The following RTF2 variants were observed in gnomAD, a reference collection of about 807,000 sequenced individuals.
RTF2 encodes the protein UPF0549 protein C20orf43.
RTF2 carries 18 observed loss-of-function variants against 38.0 expected under a neutral mutation model. That is an observed-to-expected ratio of 0.47 (90% CI 0.33 to 0.70). RTF2 has a LOEUF of 0.70. RTF2 is among the 30% of genes least tolerant of loss of function. The probability of loss-of-function intolerance (pLI) is 0.02; values close to 1 mark genes in which losing one functional copy is unlikely to be tolerated. For synonymous variants in RTF2, 126 were observed against 137.1 expected (o/e 0.92, Z 0.57); for missense variants, 311 against 379.6 (o/e 0.82, Z 1.50).
chr20:56,478,569 A>C (rs748137057), intron 4 of RTF2, among the ~76,000 whole-genome samples: 1 of 152,214 alleles, frequency 6.6e-6, no homozygotes, highest in Non-Finnish European at 1.5e-5. Context: ...CAAAGTACCT[A>C]TCTTAATTAA....
rs1465237386 is a variant in RTF2 at position 56,519,192 on chromosome 20, AC to A, written c.*931del. On this transcript the variant is annotated 3_prime_UTR_variant, in exon 9 of 9. Coordinates refer to ENST00000357348, the MANE Select transcript of RTF2 (RefSeq NM_016407.5). ...AGATAGTGACTGGTTCTCTATACAG[AC>A]CCCGGGGCCCTGGGTTTCCTTCAGA... 6.6e-5 allele frequency: 10 copies of A among 152,176 alleles called. No homozygotes were observed. Among genetic ancestry groups the A allele is most frequent in the Admixed American group, 2.6e-4 (4 of 15,264 alleles). 9.4% of individuals were successfully genotyped at this position (152,176 alleles called of 1,614,324 possible). A position where few individuals can be genotyped will look rare whatever the true frequency, so the allele number is the denominator to read the frequency against.
At chr20:56,515,108 A>T (rs1738886940) in intron 6 of RTF2, among the ~76,000 whole-genome samples, 1 of 151,960 alleles carries the variant, frequency 6.6e-6, no homozygotes, top group South Asian at 2.1e-4. Flanking sequence ...TGTGTATCTT[A>T]TATAAAGTGT....
At chr20:56,477,301 G>A (rs1326235940) in intron 4 of RTF2, among the ~76,000 whole-genome samples, 177 bp downstream of exon 4, 1 of 152,162 alleles carries the variant, frequency 6.6e-6, no homozygotes, top group Non-Finnish European at 1.5e-5. Context: ...GTCAGCCATT[G>A]CTACGGGACT....
At chr20:56,492,380 G>A (rs1489853156) in intron 5 of RTF2, among the ~76,000 whole-genome samples, 2 of 149,028 alleles carry the variant, frequency 1.3e-5, no homozygotes, top group East Asian at 4.2e-4. Flanking sequence ...GCCTGGCACT[G>A]CTTTTTATTT....
intron 4 of RTF2, among the ~76,000 whole-genome samples, chr20:56,483,140 A>G (rs1473399427): frequency 6.6e-6 from 1 of 151,834 alleles, no homozygotes; most frequent in Non-Finnish European, 1.5e-5. Context: ...TTTCCTTTTT[A>G]CCTTGCTATA....
intron 5 of RTF2, among the ~76,000 whole-genome samples, chr20:56,501,077 T>A (rs1983899907): frequency 6.6e-6 from 1 of 152,232 alleles, no homozygotes; most frequent in South Asian, 2.1e-4. Context: ...ACAAGCTTTT[T>A]AAGGCAGTCA....
At chr20:56,510,225 T>C (rs2146370255) in intron 5 of RTF2, among the ~76,000 whole-genome samples, 1 of 152,366 alleles carries the variant, frequency 6.6e-6, no homozygotes, top group South Asian at 2.1e-4. Context: ...TACTTCATTA[T>C]GTTATGTAAA....
At chr20:56,474,265 G>A (rs1982123053) in intron 2 of RTF2, among the ~76,000 whole-genome samples, 2 of 152,122 alleles carry the variant, frequency 1.3e-5, no homozygotes, top group South Asian at 2.1e-4. Flanking sequence ...TGGATCACCT[G>A]AGGTCAGGAG....
chr20:56,515,786 G>C (rs971304056), intron 6 of RTF2: 2 of 152,140 alleles, frequency 1.3e-5, no homozygotes, highest in African/African-American at 4.8e-5. Context: ...CAGGTTTCCT[G>C]CCAAGTTAAT....
rs563600541 is a variant in RTF2 at position 56,513,415 on chromosome 20, C to G, written c.578C>G (p.Ala193Gly). Residue 193 changes from alanine (A) to glycine (G), a missense_variant, in exon 6 of 9, where the codon GCG (alanine) becomes GGG (glycine). Transcript: ENST00000357348. ...AGGATGGAGGAGAGAAGGCTGAGAG[C>G]GAAGCTGGAAAAGGTAATGGGAGTC... is the stretch of plus-strand genomic sequence containing the variant. ...KTRMEERRLR[A>G]KLEKKTKKPK... The G allele has an allele frequency of 3.8e-6, 6 of 1,597,604 alleles. No individual in the cohort carries two copies. The African/African-American group carries it at 5.3e-5, about 14-fold the overall frequency.
chr20:56,492,773 C>T (rs763042179), intron 5 of RTF2, among the ~76,000 whole-genome samples: 14 of 151,978 alleles, frequency 9.2e-5, no homozygotes, highest in Non-Finnish European at 1.9e-4. Context: ...GAGGCCTCAG[C>T]GTATGTGTGA....
intron 5 of RTF2, among the ~76,000 whole-genome samples, chr20:56,502,624 G>C (rs1013189412): frequency 5.9e-5 from 9 of 152,140 alleles, no homozygotes; most frequent in African/African-American, 1.9e-4. Context: ...TGAGTAAATA[G>C]ATAATGGATG....
intron 5 of RTF2, among the ~76,000 whole-genome samples, chr20:56,499,486 T>TA (rs1445593951): frequency 6.6e-6 from 1 of 152,122 alleles, no homozygotes; most frequent in African/African-American, 2.4e-5. Flanking sequence ...TGGCAATACT[T>TA]ATGTTTATAA....
At position 56,496,762 on chromosome 20, in the gene RTF2, C is replaced by CT. The variant is rs769784953; in HGVS notation, c.477+12573_477+12574insT. ...AACTCTACAAACTTCCTTGTAAGTA[C>CT]ATAGTAAGCACTTCCAAAATAAATG... On this transcript the variant is annotated intron_variant, in intron 5 of 8. Coordinates refer to ENST00000357348, the MANE Select transcript of RTF2 (RefSeq NM_016407.5). 150 of 1,552,168 alleles carry CT rather than the reference C, an allele frequency of 9.7e-5. No homozygotes were observed. In the African/African-American group the frequency reaches 1.4e-3, roughly 14 times the overall value.
rs766585377 is a variant in RTF2 at position 56,517,143 on chromosome 20, T to C, written c.684T>C (p.Pro228=). 3.7e-6 allele frequency: 6 copies of C among 1,614,074 alleles called. No homozygotes were observed. Among genetic ancestry groups the C allele is most frequent in the Non-Finnish European group, 8.5e-7 (1 of 1,180,044 alleles). ...CATCAAAAGTTAAGACAGGGAAGCC[T>C]GAAGAAGCCAGCCTTGATTCTAGAG... ...PGPSKVKTGK[P]EEASLDSREK... Residue 228 remains proline (P), a synonymous_variant, in exon 8 of 9, where the codon CCT becomes CCC. Coordinates refer to ENST00000357348, the MANE Select transcript of RTF2 (RefSeq NM_016407.5).
rs188301833 is a variant in RTF2 at position 56,491,561 on chromosome 20, C to T, written c.477+7372C>T. 7.4e-4 allele frequency: 1,133 copies of T among 1,536,098 alleles called. 8 individuals are homozygous for T. In the African/African-American group the frequency reaches 0.014, roughly 19 times the overall value. ...CAGTAAGAAAGCAAACACTCCCTAG[C>T]GGTTCAGTCTCATATTGAAATGACT... On this transcript the variant is annotated intron_variant, in intron 5 of 8. Coordinates refer to ENST00000357348, the MANE Select transcript of RTF2 (RefSeq NM_016407.5).
At chr20:56,469,109 C>T (rs1280918956) in intron 1 of RTF2, among the ~76,000 whole-genome samples, 1 of 152,130 alleles carries the variant, frequency 6.6e-6, no homozygotes, top group East Asian at 1.9e-4. Context: ...GGATTTGAAC[C>T]CTACCTGCGA....
At chr20:56,515,540 T>A (rs1234272701) in intron 6 of RTF2, among the ~76,000 whole-genome samples, 3 of 150,856 alleles carry the variant, frequency 2.0e-5, no homozygotes, top group African/African-American at 7.3e-5. Context: ...CCACTGCACT[T>A]CAGCCTGGGC....
At position 56,518,050 on chromosome 20, in the gene RTF2, T is replaced by A. The variant is rs760988379; in HGVS notation, c.743-37T>A. 1.9e-6 allele frequency: 3 copies of A among 1,583,702 alleles called. No individual in the cohort carries two copies. In the South Asian group the frequency reaches 3.5e-5, roughly 19 times the overall value. On this transcript the variant is annotated intron_variant, in intron 8 of 8. Transcript: ENST00000357348. ...GATGCGAAGTTTAGAATCATCTTTA[T>A]CCCAACCCTGACAGTTTTGGCTCTT...
Sources: allele counts gnomAD v4.1 joint callset (sites outside exome capture counted in the v4.1 genomes callset), GRCh38; gene constraint gnomAD v4.1.1; transcripts MANE v1.5; gene names NCBI Gene and HGNC (gene_info 2026-07-23, HGNC 2026-07-21).